PTPRT: variants seen among roughly 807,000 people sequenced by gnomAD.
PTPRT encodes the protein protein tyrosine phosphatase receptor type T.
PTPRT carries 56 observed loss-of-function variants against 176.8 expected under a neutral mutation model. The observed-to-expected ratio is 0.32, with a 90% CI of 0.26 to 0.40. The LOEUF is 0.40. PTPRT is among the 10% of genes least tolerant of loss of function. The pLI is 1.00. For synonymous variants in PTPRT, 783 were observed against 739.0 expected (o/e 1.06, Z -0.96); for missense variants, 1,540 against 1,908.2 (o/e 0.81, Z 3.60).
chr20:42,960,136 C>T (rs957841485), intron 1 of PTPRT, among the ~76,000 whole-genome samples: 2 of 152,150 alleles, frequency 1.3e-5, no homozygotes, highest in African/African-American at 4.8e-5. Context: ...TATACAGTCA[C>T]CAACTAGATC....
intron 7 of PTPRT, among the ~76,000 whole-genome samples, chr20:42,527,342 A>C (rs2072296287): frequency 1.3e-5 from 2 of 151,936 alleles, no homozygotes; most frequent in Non-Finnish European, 1.5e-5. Flanking sequence ...GTCCCATCCT[A>C]TGTGCTTTAT....
intron 8 of PTPRT, among the ~76,000 whole-genome samples, chr20:42,471,636 C>T (rs2071199603): frequency 6.6e-6 from 1 of 151,906 alleles, no homozygotes; most frequent in Admixed American, 6.6e-5. Context: ...ATTACCCAGT[C>T]TCCGGTGTTT....
At chr20:42,274,953 G>A (rs1190780766) in intron 13 of PTPRT, among the ~76,000 whole-genome samples, 1 of 152,132 alleles carries the variant, frequency 6.6e-6, no homozygotes, top group African/African-American at 2.4e-5. Context: ...CCTGTCAGTG[G>A]TCAATGAATC....
intron 1 of PTPRT, among the ~76,000 whole-genome samples, chr20:43,100,966 CA>C (rs1270045875): frequency 6.6e-6 from 1 of 152,150 alleles, no homozygotes; most frequent in Non-Finnish European, 1.5e-5. Context: ...CCAGGCAAAG[CA>C]AAAGTTTCCA....
At chr20:43,107,986 A>T (rs1442250291) in intron 1 of PTPRT, among the ~76,000 whole-genome samples, 2 of 152,208 alleles carry the variant, frequency 1.3e-5, no homozygotes, top group Non-Finnish European at 2.9e-5. Context: ...AAGCTGAAGA[A>T]ATGGGAGTGA....
chr20:42,754,658 T>A (rs1600701463), intron 6 of PTPRT, among the ~76,000 whole-genome samples: 1 of 152,376 alleles, frequency 6.6e-6, no homozygotes, highest in East Asian at 1.9e-4. Flanking sequence ...TTCTTTTCTA[T>A]GTTAATAACA....
intron 8 of PTPRT, among the ~76,000 whole-genome samples, chr20:42,465,846 G>T (rs1440020176): frequency 6.6e-6 from 1 of 152,166 alleles, no homozygotes; most frequent in Non-Finnish European, 1.5e-5. Flanking sequence ...TGCATGCCAT[G>T]GTAGTTTGCT....
intron 13 of PTPRT, chr20:42,270,364 C>CG: frequency 3.9e-5 from 28 of 722,160 alleles, no homozygotes; most frequent in Non-Finnish European, 6.2e-5. Flanking sequence ...GGGCAACTCT[C>CG]CCCTCCCACC....
intron 1 of PTPRT, among the ~76,000 whole-genome samples, chr20:43,059,521 A>G (rs868367146): frequency 7.9e-5 from 12 of 152,326 alleles, no homozygotes; most frequent in South Asian, 2.1e-4. Flanking sequence ...CCATTGCCCA[A>G]TAACGTGGCT....
intron 13 of PTPRT, among the ~76,000 whole-genome samples, chr20:42,253,852 G>C (rs1247930308): frequency 1.3e-5 from 2 of 152,182 alleles, no homozygotes; most frequent in Non-Finnish European, 2.9e-5. Flanking sequence ...GGCTGAACCA[G>C]TTCTCAAAGC....
intron 11 of PTPRT, among the ~76,000 whole-genome samples, chr20:42,324,607 A>G (rs2145413323): frequency 6.6e-6 from 1 of 152,292 alleles, no homozygotes; most frequent in East Asian, 1.9e-4. Context: ...GCATTTAAGT[A>G]TGCACAAATT....
intron 9 of PTPRT, among the ~76,000 whole-genome samples, chr20:42,430,345 C>T (rs576607652): frequency 1.4e-4 from 21 of 152,302 alleles, no homozygotes; most frequent in Admixed American, 2.0e-4. Context: ...CAGTACTGTA[C>T]GTGCTGAACT....
intron 7 of PTPRT, among the ~76,000 whole-genome samples, chr20:42,550,324 G>A (rs548494891): frequency 6.6e-6 from 1 of 152,246 alleles, no homozygotes; most frequent in Admixed American, 6.5e-5. Context: ...AAAGAGAAAA[G>A]CAGTGATGTG....
intron 7 of PTPRT, among the ~76,000 whole-genome samples, chr20:42,579,100 T>A (rs1021273982): frequency 1.2e-4 from 15 of 130,096 alleles, no homozygotes; most frequent in Non-Finnish European, 1.6e-4. Flanking sequence ...GATGTTCCCC[T>A]TCCTGTGTCC....
chr20:42,709,160 G>T (rs963209746), intron 6 of PTPRT, among the ~76,000 whole-genome samples: 1 of 152,228 alleles, frequency 6.6e-6, no homozygotes, highest in African/African-American at 2.4e-5. Flanking sequence ...CCAGTGCTCA[G>T]TTCCCCACAT....
intron 1 of PTPRT, among the ~76,000 whole-genome samples, chr20:43,146,385 G>A (rs554344223): frequency 1.3e-5 from 2 of 152,192 alleles, no homozygotes; most frequent in African/African-American, 4.8e-5. Context: ...ACCCTATGTA[G>A]TGAAAAAAAT....
At chr20:42,117,878 A>G (rs373678669) in intron 21 of PTPRT, among the ~76,000 whole-genome samples, 1 of 152,204 alleles carries the variant, frequency 6.6e-6, no homozygotes. Flanking sequence ...TTTGGCAATG[A>G]GAAAGAGACT....
intron 1 of PTPRT, among the ~76,000 whole-genome samples, chr20:43,188,555 C>T (rs2015452637): frequency 6.6e-6 from 1 of 152,210 alleles, no homozygotes. Context: ...TAAATGGGCA[C>T]AGCTGTTGCT....
intron 7 of PTPRT, among the ~76,000 whole-genome samples, chr20:42,602,828 T>C (rs7272983): frequency 0.11 from 16,925 of 152,148 alleles, 1,206 homozygotes; most frequent in Middle Eastern, 0.17. Flanking sequence ...AAATTACTTA[T>C]ATGATTGTGG....
Sources: gnomAD v4.1 joint callset for allele counts (sites outside exome capture counted in the v4.1 genomes callset) on GRCh38, gnomAD v4.1.1 for gene constraint, MANE v1.5 for transcripts, NCBI Gene and HGNC (gene_info 2026-07-23, HGNC 2026-07-21) for gene names.